Variants in CNTFR observed in about 807,000 individuals in gnomAD.
CNTFR encodes ciliary neurotrophic factor receptor.
Under a neutral mutation model 40.4 loss-of-function variants are expected in CNTFR, and 12 were observed. The ratio of observed to expected loss-of-function variants is 0.30; its 90% CI spans 0.19 to 0.48. The LOEUF (loss-of-function observed/expected upper bound fraction) is 0.48, where lower values mean the gene tolerates loss of function less well. Among genes scored for constraint, CNTFR ranks in the 20% least tolerant of loss-of-function variants. CNTFR has a pLI of 0.99. For synonymous variants in CNTFR, 202 were observed against 209.6 expected (o/e 0.96, Z 0.31); for missense variants, 414 against 506.8 (o/e 0.82, Z 1.76).
chr9:34,581,595 C>G (rs1827287350), intron 1 of CNTFR, among the ~76,000 whole-genome samples: 1 of 152,222 alleles, frequency 6.6e-6, no homozygotes, highest in South Asian at 2.1e-4. Context: ...CGTAACACCC[C>G]CTTCCTTATC....
chr9:34,560,544 G>A (rs114075728), intron 4 of CNTFR, among the ~76,000 whole-genome samples: 4,863 of 152,302 alleles, frequency 0.032, 266 homozygotes, highest in African/African-American at 0.11. Context: ...CATATGTGAT[G>A]GAGCATAGTG....
At chr9:34,556,491 T>C in intron 6 of CNTFR, 73 bp from the exon 7 acceptor site, 1 of 1,450,704 alleles carries the variant, frequency 6.9e-7, no homozygotes, top group Non-Finnish European at 9.4e-7. Flanking sequence ...CCAGCCACCA[T>C]GTTGACCCTC....
chr9:34,555,417 A>G (rs1377189406), intron 7 of CNTFR, among the ~76,000 whole-genome samples: 1 of 151,814 alleles, frequency 6.6e-6, no homozygotes, highest in African/African-American at 2.4e-5. Context: ...CACCCTCTCA[A>G]CCCCACTCCT....
At chr9:34,556,455 A>T (rs2070802) in intron 6 of CNTFR, 37 bp from the exon 7 acceptor site, 215,507 of 1,538,730 alleles carry the variant, frequency 0.14, 15,896 homozygotes, top group South Asian at 0.16. Flanking sequence ...TACACTAATC[A>T]CTGGCAACAA....
rs116111562 is a variant in CNTFR at position 34,564,723 on chromosome 9, G to A, written c.195C>T (p.Ala65=). ...GCTGAGAGCCGTTGAGCAGGTCAGG[G>A]GCCAGGTCTGTCCCATTTACCCGCC... is the stretch of plus-strand genomic sequence containing the variant. ...VTWRVNGTDL[A]PDLLNGSQLV... is the part of the protein sequence containing the mutation. The change falls in exon 4 of 10, where the codon GCC becomes GCT. Residue 65 remains alanine (A), a synonymous_variant. Transcript: ENST00000378980. The A allele has an allele frequency of 6.2e-7, 1 of 1,614,144 alleles. No homozygotes were observed. Among genetic ancestry groups the A allele is most frequent in the Non-Finnish European group, 8.5e-7 (1 of 1,180,022 alleles).
chr9:34,586,087 G>C (rs544488791), intron 1 of CNTFR, among the ~76,000 whole-genome samples: 1 of 152,264 alleles, frequency 6.6e-6, no homozygotes, highest in Admixed American at 6.5e-5. Context: ...GGCTCCCATG[G>C]GGGAAGACAG....
intron 2 of CNTFR, among the ~76,000 whole-genome samples, chr9:34,579,835 G>A (rs1472874414): frequency 6.6e-6 from 1 of 152,106 alleles, no homozygotes; most frequent in Non-Finnish European, 1.5e-5. Flanking sequence ...TGGAGGTGCT[G>A]CTGGGGGAGG....
chr9:34,553,719 C>T (rs1000191382), intron 7 of CNTFR, among the ~76,000 whole-genome samples: 1 of 152,258 alleles, frequency 6.6e-6, no homozygotes, highest in African/African-American at 2.4e-5. Context: ...CCCCATCCTG[C>T]TGGTCTCCCC....
chr9:34,560,726 T>A (rs965852048), intron 4 of CNTFR, among the ~76,000 whole-genome samples: 2 of 152,264 alleles, frequency 1.3e-5, no homozygotes, highest in East Asian at 1.9e-4. Flanking sequence ...GGCATCTGGG[T>A]TGCCCCTTGT....
At position 34,557,110 on chromosome 9, in the gene CNTFR, A is replaced by AG. The variant is rs1825872109; in HGVS notation, c.604+415dup. ...GGGTCTGGCTGGGATGGGGGGGGTC[A>AG]GGGGGAGGGCAGTATCTGTCCCAGT... On this transcript the variant is annotated intron_variant, in intron 6 of 9. Coordinates refer to ENST00000378980, the MANE Select transcript of CNTFR (RefSeq NM_147164.3). The surrounding 1 kb of genome is among the most constrained non-coding windows in gnomAD (Gnocchi z 4.2). Among the ~76,000 whole-genome samples the AG allele has an allele frequency of 1.4e-5, 1 of 73,886 alleles. No individual in the cohort carries two copies. Among genetic ancestry groups the AG allele is most frequent in the Admixed American group, 1.7e-4 (1 of 5,800 alleles). 48.5% of individuals were successfully genotyped at this position (73,886 alleles called of 152,430 possible). A position where few individuals can be genotyped will look rare whatever the true frequency, so the allele number is the denominator to read the frequency against.
chr9:34,571,790 C>G (rs191546577), intron 2 of CNTFR, among the ~76,000 whole-genome samples: 168 of 151,996 alleles, frequency 1.1e-3, no homozygotes, highest in African/African-American at 3.9e-3. Context: ...AAGGGAGAGA[C>G]TCAGGGAGGA....
In CNTFR at chr9:34,589,524, G is replaced by C. The variant is rs1003004410; in HGVS notation, c.-112+31C>G. 6.6e-6 allele frequency: 1 copy of C among 152,132 alleles called. No homozygotes were observed. Among genetic ancestry groups the C allele is most frequent in the Non-Finnish European group, 1.5e-5 (1 of 68,010 alleles). 9.4% of individuals were successfully genotyped at this position (152,132 alleles called of 1,614,324 possible). A position where few individuals can be genotyped will look rare whatever the true frequency, so the allele number is the denominator to read the frequency against. ...TGGTCAGCCCGGGCTCTGAGGGTCCGGCCGCGCGCACTCCGCCGCAGGGTA... is the reference window on the plus strand; with the variant it reads ...TGGTCAGCCCGGGCTCTGAGGGTCCCGCCGCGCGCACTCCGCCGCAGGGTA... On this transcript the variant is annotated intron_variant, in intron 1 of 9. Coordinates refer to ENST00000378980, the MANE Select transcript of CNTFR (RefSeq NM_147164.3). This position sits in a 1 kb window ranked among gnomAD's most constrained non-coding sequence, Gnocchi z 4.4.
chr9:34,559,645 C>T (rs537993618), intron 4 of CNTFR, among the ~76,000 whole-genome samples: 1 of 151,884 alleles, frequency 6.6e-6, no homozygotes, highest in East Asian at 1.9e-4. Flanking sequence ...GCCAAGGACA[C>T]AGGAAGTGCC....
rs571580689 is a variant in CNTFR, at chr9:34,577,397, G to C, written c.-1+3698C>G. Among the ~76,000 whole-genome samples, 3 of 152,318 alleles carry C rather than the reference G, an allele frequency of 2.0e-5. No individual in the cohort carries two copies. The South Asian group carries it at 6.2e-4, about 32-fold the overall frequency. On this transcript the variant is annotated intron_variant, in intron 2 of 9. Coordinates refer to ENST00000378980, the MANE Select transcript of CNTFR (RefSeq NM_147164.3). The stretch of plus-strand genomic sequence containing the variant: ...GGGACTTCGGGGAAGGGGGCAGTGG[G>C]GACAAAAGAAACCAGGCAGCAGGGT...
chr9:34,556,264 C>T lies in CNTFR; in HGVS notation c.759G>A (p.Gln253=), dbSNP rs781416307. Residue 253 remains glutamine (Q), a synonymous_variant, in exon 7 of 10, where the codon CAG becomes CAA. Transcript: ENST00000378980. ...CGGGCAGGGCACTCACATGCTGCCACTGGTCCAGGATGAGGGGTCGGTAGC... is the reference window on the plus strand; with the variant it reads ...CGGGCAGGGCACTCACATGCTGCCATTGGTCCAGGATGAGGGGTCGGTAGC... ...FLRYRPLILD[Q]WQHVELSDGT... is the part of the protein sequence containing the mutation. 2.9e-5 allele frequency: 46 copies of T among 1,612,342 alleles called. No homozygotes were observed. Among genetic ancestry groups the T allele is most frequent in the Non-Finnish European group, 3.7e-5 (44 of 1,179,416 alleles).
At position 34,568,916 on chromosome 9, in the gene CNTFR, G is replaced by A. The variant is rs141701455; in HGVS notation, c.66C>T (p.Ala22=). The A allele has an allele frequency of 5.5e-4, 873 of 1,596,850 alleles. 5 individuals are homozygous for A. The African/African-American group carries it at 0.01, about 19-fold the overall frequency. The change falls in exon 3 of 10, where the codon GCC becomes GCT. Residue 22 remains alanine (A), a synonymous_variant. Transcript: ENST00000378980. ...VLAAAAAVVY[A]QRHSPQEAPH... ...ACTCACCCTGTGGACTGTGTCTCTG[G>A]GCGTAGACAACTGCGGCGGCGGCGG...
chr9:34,573,441 G>A (rs1021909789), intron 2 of CNTFR, among the ~76,000 whole-genome samples: 3 of 152,176 alleles, frequency 2.0e-5, no homozygotes, highest in African/African-American at 7.2e-5. Context: ...GCTCAGTCTG[G>A]CCTGGACAAT....
intron 4 of CNTFR, among the ~76,000 whole-genome samples, chr9:34,559,736 C>T (rs181114621): frequency 1.3e-3 from 200 of 152,298 alleles, no homozygotes; most frequent in African/African-American, 4.6e-3. Flanking sequence ...GAGAAGCCTC[C>T]ACTCCCCGCT....
At chr9:34,568,867 G>A (rs1371959871) in intron 3 of CNTFR, 30 bp downstream of exon 3, 2 of 1,552,418 alleles carry the variant, frequency 1.3e-6, no homozygotes, top group Non-Finnish European at 1.7e-6. Flanking sequence ...CTGAGAGGGG[G>A]GTCAGCAGGC....
Sources: gnomAD v4.1 joint callset for allele counts (sites outside exome capture counted in the v4.1 genomes callset) on GRCh38, gnomAD v4.1.1 for gene constraint, Gnocchi (gnomAD v3.1) non-coding constraint, MANE v1.5 for transcripts, NCBI Gene and HGNC (gene_info 2026-07-23, HGNC 2026-07-21) for gene names.